ADARB2: variants seen among roughly 807,000 people sequenced by gnomAD.
ADARB2 encodes the protein adenosine deaminase RNA specific B2 (inactive).
Under a neutral mutation model 62.2 loss-of-function variants are expected in ADARB2, and 25 were observed. The ratio of observed to expected loss-of-function variants is 0.40; its 90% CI spans 0.29 to 0.56. The LOEUF is 0.56. Among genes scored for constraint, ADARB2 ranks in the 20% least tolerant of loss-of-function variants. The pLI is 0.43. For synonymous variants in ADARB2, 572 were observed against 500.8 expected, an observed-to-expected ratio of 1.14 and a Z score of -1.90; for missense variants, 1,071 against 1,077.4, an observed-to-expected ratio of 0.99 and a Z score of 0.08.
chr10:1,406,145 T>C (rs2131875356), intron 1 of ADARB2, among the ~76,000 whole-genome samples: 1 of 152,168 alleles, frequency 6.6e-6, no homozygotes, highest in Admixed American at 6.5e-5. Flanking sequence ...ATGGTGGAGG[T>C]GTGGATTTTC....
At chr10:1,490,676 A>G (rs1831610861) in intron 1 of ADARB2, among the ~76,000 whole-genome samples, 1 of 152,134 alleles carries the variant, frequency 6.6e-6, no homozygotes, top group Non-Finnish European at 1.5e-5. Flanking sequence ...GCTGGTCTTG[A>G]ACTCCTGACC....
intron 3 of ADARB2, among the ~76,000 whole-genome samples, chr10:1,356,716 C>CAT (rs1564267172): frequency 6.6e-6 from 1 of 152,198 alleles, no homozygotes; most frequent in African/African-American, 2.4e-5. Flanking sequence ...ATGGCACACA[C>CAT]TGTTCTTCAA....
intron 1 of ADARB2, among the ~76,000 whole-genome samples, chr10:1,532,802 G>A (rs1286789669): frequency 1.3e-5 from 2 of 152,226 alleles, no homozygotes; most frequent in Admixed American, 6.5e-5. Context: ...GGCACAGGCA[G>A]GAGCCTGAAT....
intron 1 of ADARB2, among the ~76,000 whole-genome samples, chr10:1,383,310 G>A (rs763643175): frequency 4.6e-5 from 7 of 152,038 alleles, no homozygotes; most frequent in Non-Finnish European, 1.0e-4. Context: ...GATACTCACT[G>A]GAATAATTTT....
At chr10:1,596,745 C>T (rs1049704821) in intron 1 of ADARB2, among the ~76,000 whole-genome samples, 4 of 152,178 alleles carry the variant, frequency 2.6e-5, no homozygotes, top group Non-Finnish European at 4.4e-5. Flanking sequence ...GAAGCACCTC[C>T]GGGAAGGCCT....
chr10:1,710,745 C>T (rs1834940578), intron 1 of ADARB2, among the ~76,000 whole-genome samples: 1 of 152,246 alleles, frequency 6.6e-6, no homozygotes, highest in African/African-American at 2.4e-5. Context: ...GCTCTTGCAG[C>T]CTCTCAGCTT....
intron 1 of ADARB2, among the ~76,000 whole-genome samples, chr10:1,383,169 C>T (rs989987726): frequency 3.3e-5 from 5 of 152,126 alleles, no homozygotes; most frequent in African/African-American, 1.2e-4. Flanking sequence ...GCACAGCAGC[C>T]CTTGCCTGGA....
In ADARB2 at chr10:1,679,325, G is replaced by C. The variant is rs190761047; in HGVS notation, c.100+57726C>G. On this transcript the variant is annotated intron_variant, in intron 1 of 9. Coordinates refer to ENST00000381312, the MANE Select transcript of ADARB2 (RefSeq NM_018702.4). The stretch of plus-strand genomic sequence containing the variant: ...ATAAATAATGTGGGCACCCTATTTA[G>C]AGGAGATCCTGTGCCGGGCACCACA... Among the ~76,000 whole-genome samples, 127 of 152,240 alleles carry C rather than the reference G, an allele frequency of 8.3e-4. 1 individual carries two copies. Among genetic ancestry groups the C allele is most frequent in the African/African-American group, 2.7e-3 (111 of 41,558 alleles).
intron 1 of ADARB2, among the ~76,000 whole-genome samples, chr10:1,685,978 CTCCAGTGGCTCAGCCT>C (rs1834592590): frequency 6.6e-6 from 1 of 152,256 alleles, no homozygotes; most frequent in Non-Finnish European, 1.5e-5. Flanking sequence ...CCCACACCCA[CTCCAGTGGCTCAGCCT>C]TCCCGGACTG....
intron 1 of ADARB2, among the ~76,000 whole-genome samples, chr10:1,577,865 C>T (rs367795601): frequency 1.3e-5 from 2 of 152,176 alleles, no homozygotes; most frequent in Admixed American, 6.5e-5. Context: ...GGCACAAATC[C>T]GATCTGCCTG....
At chr10:1,335,933 C>T (rs1831971720) in intron 3 of ADARB2, among the ~76,000 whole-genome samples, 1 of 152,202 alleles carries the variant, frequency 6.6e-6, no homozygotes. Flanking sequence ...CTAAATGGGT[C>T]TTCACATTTG....
intron 1 of ADARB2, among the ~76,000 whole-genome samples, chr10:1,640,902 G>A (rs774522480): frequency 1.3e-5 from 2 of 152,120 alleles, no homozygotes; most frequent in African/African-American, 2.4e-5. Context: ...TGAATGTAAC[G>A]CATCCCGGCT....
intron 3 of ADARB2, among the ~76,000 whole-genome samples, chr10:1,338,151 C>T (rs925191828): frequency 6.6e-6 from 1 of 152,256 alleles, no homozygotes; most frequent in African/African-American, 2.4e-5. Context: ...CCAAACTCTA[C>T]AGACAGTTCG....
chr10:1,329,929 CTTTTTTTTTTTTTT>C (rs370355543), intron 3 of ADARB2, among the ~76,000 whole-genome samples: 15 of 100,250 alleles, frequency 1.5e-4, no homozygotes, highest in East Asian at 1.4e-3. Flanking sequence ...GAAGAAGTGC[CTTTTTTTTTTTTTT>C]TTTTTTTTTT....
rs534979308 is a variant in ADARB2 at position 1,283,000 on chromosome 10, G to A, written c.1078-11931C>T. Among the ~76,000 whole-genome samples, 61 of 152,274 alleles carry A rather than the reference G, an allele frequency of 4.0e-4. 1 individual carries two copies. The highest frequency in any genetic ancestry group is 1.4e-3 in the African/African-American group (60 of 41,554). ...GAAGCTCTACAGAGGCTCCTAGGGT[G>A]CTCAAAAACCATGTGCTTACTAGTT... On this transcript the variant is annotated intron_variant, in intron 3 of 9. Coordinates refer to ENST00000381312, the MANE Select transcript of ADARB2 (RefSeq NM_018702.4).
chr10:1,552,318 T>G (rs1396591407), intron 1 of ADARB2, among the ~76,000 whole-genome samples: 1 of 152,204 alleles, frequency 6.6e-6, no homozygotes, highest in African/African-American at 2.4e-5. Context: ...CCTCTCTGGC[T>G]AGTTTGGGGC....
intron 3 of ADARB2, among the ~76,000 whole-genome samples, chr10:1,328,073 C>A (rs367651781): frequency 9.7e-6 from 1 of 102,878 alleles, no homozygotes; most frequent in African/African-American, 3.6e-5. Context: ...GGAAGCCTTA[C>A]AGTAACCCAG....
intron 4 of ADARB2, among the ~76,000 whole-genome samples, chr10:1,262,287 T>TATAATAATAAA (rs1831147048): frequency 7.4e-6 from 1 of 135,780 alleles, no homozygotes; most frequent in South Asian, 2.4e-4. Context: ...AAACTTAAAG[T>TATAATAATAAA]ATAATAATAA....
chr10:1,703,235 A>G (rs1834845891), intron 1 of ADARB2, among the ~76,000 whole-genome samples: 1 of 152,180 alleles, frequency 6.6e-6, no homozygotes, highest in Non-Finnish European at 1.5e-5. Context: ...GGGCATGGGC[A>G]TAAATAGCAA....
Sources: gnomAD v4.1 joint callset for allele counts (sites outside exome capture counted in the v4.1 genomes callset) on GRCh38, gnomAD v4.1.1 for gene constraint, MANE v1.5 for transcripts, NCBI Gene and HGNC (gene_info 2026-07-23, HGNC 2026-07-21) for gene names.